Variants in ELAVL2 observed in about 807,000 individuals in gnomAD.
ELAVL2 encodes the protein ELAV-like protein 2.
A neutral mutation model predicts 34.6 loss-of-function variants in ELAVL2; 4 were observed. That is an observed-to-expected ratio of 0.12 (90% CI 0.06 to 0.26). The LOEUF (loss-of-function observed/expected upper bound fraction) is 0.26, where lower values mean the gene tolerates loss of function less well. Among genes scored for constraint, ELAVL2 ranks in the 10% least tolerant of loss-of-function variants. The pLI, the probability that ELAVL2 is intolerant of heterozygous loss-of-function variation, is 1.00. For synonymous variants in ELAVL2, 193 were observed against 154.8 expected (o/e 1.25, Z -1.83); for missense variants, 432 against 442.8 (o/e 0.98, Z 0.22).
At chr9:23,709,475 A>G (rs1027634932) in intron 3 of ELAVL2, among the ~76,000 whole-genome samples, 3 of 151,856 alleles carry the variant, frequency 2.0e-5, no homozygotes, top group Admixed American at 6.6e-5. Context: ...CTGTGGATTT[A>G]GATCTTACAG....
the ELAVL2 span, among the ~76,000 whole-genome samples, chr9:23,840,047 A>T: frequency 6.6e-6 from 1 of 152,202 alleles, no homozygotes; most frequent in African/African-American, 2.4e-5. Flanking sequence ...GGTTAAAAGT[A>T]TTCACGCAGA....
rs200285662 is a variant in ELAVL2, at chr9:23,703,387, C to CA, written c.487+1530dup. On this transcript the variant is annotated intron_variant, in intron 4 of 6. Transcript: ENST00000397312. ...ACACCATTATTAGTCTATGTGATAA[C>CA]AACACAGGGTGGCAATGTATAAGTA... Among the ~76,000 whole-genome samples, 481 of 152,276 alleles carry CA rather than the reference C, an allele frequency of 3.2e-3. 2 individuals carry two copies. The highest frequency in any genetic ancestry group is 0.011 in the African/African-American group (466 of 41,562).
At chr9:23,773,169 G>A (rs1433389478) in intron 1 of ELAVL2, among the ~76,000 whole-genome samples, 1 of 152,150 alleles carries the variant, frequency 6.6e-6, no homozygotes, top group African/African-American at 2.4e-5. Flanking sequence ...GTATCTCAAG[G>A]AAATGTCTTG....
At chr9:23,792,844 C>T (rs958038641) in intron 1 of ELAVL2, among the ~76,000 whole-genome samples, 1 of 152,146 alleles carries the variant, frequency 6.6e-6, no homozygotes, top group East Asian at 1.9e-4. Context: ...GGTCACAGCT[C>T]ACGGTGGCCT....
chr9:23,801,243 AAT>A (rs1445117178), intron 1 of ELAVL2, among the ~76,000 whole-genome samples: 1 of 152,218 alleles, frequency 6.6e-6, no homozygotes. Context: ...AAATAGGCTC[AAT>A]ATGTTTTAAA....
At chr9:23,757,324 G>A (rs1314827607) in intron 2 of ELAVL2, among the ~76,000 whole-genome samples, 2 of 152,042 alleles carry the variant, frequency 1.3e-5, no homozygotes, top group South Asian at 2.1e-4. Context: ...TAAAGAGTGA[G>A]CTCTTGCCTC....
At chr9:23,696,093 T>C (rs2035092566) in intron 5 of ELAVL2, among the ~76,000 whole-genome samples, 2 of 152,254 alleles carry the variant, frequency 1.3e-5, no homozygotes, top group Admixed American at 1.3e-4. Flanking sequence ...TAGAAAAAAA[T>C]TGGTCCTTTG....
At position 23,706,156 on chromosome 9, in the gene ELAVL2, C is replaced by A. The variant is rs2133400514; in HGVS notation, c.334-1085G>T. On this transcript the variant is annotated intron_variant, in intron 3 of 6. Coordinates refer to ENST00000397312, the MANE Select transcript of ELAVL2 (RefSeq NM_004432.5). ...TCTTAAGTCCCTATAATTAACTTTG[C>A]CTGCCACTGTATGTACTTTCAAAAA... Among the ~76,000 whole-genome samples, 2 of 152,278 alleles carry A rather than the reference C, an allele frequency of 1.3e-5. 1 individual carries two copies. The highest frequency in any genetic ancestry group is 4.8e-5 in the African/African-American group (2 of 41,558).
chr9:23,817,247 T>A (rs939731083), intron 1 of ELAVL2, among the ~76,000 whole-genome samples: 1 of 151,748 alleles, frequency 6.6e-6, no homozygotes, highest in African/African-American at 2.4e-5. Context: ...CAAGTTTATT[T>A]AAAAAAAAGA....
At chr9:23,736,151 AC>A (rs1256013426) in intron 2 of ELAVL2, among the ~76,000 whole-genome samples, 1 of 152,104 alleles carries the variant, frequency 6.6e-6, no homozygotes, top group Non-Finnish European at 1.5e-5. Flanking sequence ...AAATCAAATT[AC>A]CCCCTCAGGT....
At chr9:23,718,666 G>T (rs777603219) in intron 3 of ELAVL2, among the ~76,000 whole-genome samples, 3 of 152,170 alleles carry the variant, frequency 2.0e-5, no homozygotes, top group Non-Finnish European at 2.9e-5. Context: ...CACATATTTT[G>T]TGGGGCTGAC....
chr9:23,818,233 C>T (rs1003269160), intron 1 of ELAVL2, among the ~76,000 whole-genome samples: 1 of 152,260 alleles, frequency 6.6e-6, no homozygotes, highest in Non-Finnish European at 1.5e-5. Context: ...GACATAAAGC[C>T]TTCAAACAGT....
At chr9:23,811,887 C>G (rs957466988) in intron 1 of ELAVL2, among the ~76,000 whole-genome samples, 2 of 152,100 alleles carry the variant, frequency 1.3e-5, no homozygotes, top group East Asian at 1.9e-4. Flanking sequence ...TTACTCATAC[C>G]ATAAAAGAAA....
At chr9:23,765,233 G>T in intron 1 of ELAVL2, 2 of 702,296 alleles carry the variant, frequency 2.8e-6, no homozygotes, top group Non-Finnish European at 4.5e-6. Flanking sequence ...TGAAATTGAG[G>T]CAATTCCAAT....
chr9:23,817,509 G>A (rs1807276020), intron 1 of ELAVL2, among the ~76,000 whole-genome samples: 1 of 152,128 alleles, frequency 6.6e-6, no homozygotes, highest in South Asian at 2.1e-4. Context: ...AGAAAAGAAT[G>A]CTCGTTGCAA....
intron 2 of ELAVL2, among the ~76,000 whole-genome samples, chr9:23,759,318 A>T (rs2054311237): frequency 6.6e-6 from 1 of 152,014 alleles, no homozygotes; most frequent in South Asian, 2.1e-4. Flanking sequence ...GAGACAGCCA[A>T]ATACCACACG....
chr9:23,848,131 G>C, the ELAVL2 span, among the ~76,000 whole-genome samples: 1 of 151,952 alleles, frequency 6.6e-6, no homozygotes, highest in African/African-American at 2.4e-5. Flanking sequence ...ATAGTTCAAA[G>C]TGTTTATTTT....
intron 2 of ELAVL2, among the ~76,000 whole-genome samples, chr9:23,747,160 A>G (rs534180196): frequency 3.6e-4 from 52 of 146,098 alleles, no homozygotes; most frequent in African/African-American, 1.2e-3. Context: ...AATATACACT[A>G]CTTTTTTTTT....
intron 2 of ELAVL2, among the ~76,000 whole-genome samples, chr9:23,751,221 C>G (rs1588087957): frequency 6.6e-6 from 1 of 152,048 alleles, no homozygotes; most frequent in African/African-American, 2.4e-5. Context: ...AAACAGAGTT[C>G]CAACAAAAAG....
Sources: gnomAD v4.1 joint callset for allele counts (sites outside exome capture counted in the v4.1 genomes callset) on GRCh38, gnomAD v4.1.1 for gene constraint, MANE v1.5 for transcripts, NCBI Gene and HGNC (gene_info 2026-07-23, HGNC 2026-07-21) for gene names.